DYM: variants seen among roughly 807,000 people sequenced by gnomAD.
The protein encoded by DYM is dyggve-Melchior-Clausen syndrome protein.
A neutral mutation model predicts 93.1 loss-of-function variants in DYM; 78 were observed. The observed-to-expected ratio is 0.84, with a 90% confidence interval of 0.70 to 1.01. The LOEUF (loss-of-function observed/expected upper bound fraction) is 1.01. Among genes scored for constraint, DYM ranks in the 50% least tolerant of loss-of-function variants. The probability of loss-of-function intolerance (pLI) is 0.00; values close to 1 mark genes in which losing one functional copy is unlikely to be tolerated. For missense variants in DYM, 789 were observed against 845.0 expected (o/e 0.93, Z 0.82); for synonymous variants, 321 against 319.7 (o/e 1.00, Z -0.04).
At chr18:49,122,833 G>A (rs147718672) in intron 15 of DYM, among the ~76,000 whole-genome samples, 48 of 152,158 alleles carry the variant, frequency 3.2e-4, no homozygotes, top group African/African-American at 1.1e-3. Context: ...CAGTATATTC[G>A]GAGTGCATTT....
At chr18:49,096,239 C>T (rs1450460526) in intron 17 of DYM, among the ~76,000 whole-genome samples, 1 of 152,202 alleles carries the variant, frequency 6.6e-6, no homozygotes, top group African/African-American at 2.4e-5. Flanking sequence ...ATAAACAGAA[C>T]ATTTGCCATC....
At chr18:49,045,912 G>T (rs748335206) in intron 17 of DYM, among the ~76,000 whole-genome samples, 17 of 152,150 alleles carry the variant, frequency 1.1e-4, no homozygotes, top group Non-Finnish European at 2.1e-4. Context: ...ATGGCACTGT[G>T]CAGTGGCTGC....
At chr18:49,137,434 A>G (rs2144295993) in intron 15 of DYM, among the ~76,000 whole-genome samples, 1 of 152,342 alleles carries the variant, frequency 6.6e-6, no homozygotes, top group Middle Eastern at 3.4e-3. Context: ...TGTTAAGTAG[A>G]AATATAATGC....
intron 2 of DYM, among the ~76,000 whole-genome samples, chr18:49,408,198 C>T (rs1263910139): frequency 6.6e-6 from 1 of 151,986 alleles, no homozygotes; most frequent in Non-Finnish European, 1.5e-5. Context: ...GGTTTTATAA[C>T]TGGCTTTAAC....
rs933970102 is a variant in DYM, at chr18:49,043,623, ACACAT to A, written c.*427_*431del. 1 of 163,520 alleles carries A rather than the reference ACACAT, an allele frequency of 6.1e-6. No individual in the cohort carries two copies. The highest frequency in any genetic ancestry group is 2.4e-5 in the African/African-American group (1 of 41,606). 10.1% of individuals were successfully genotyped at this position (163,520 alleles called of 1,614,324 possible). ...TCAAAGGAATCTCTCTCTCTCACAC[ACACAT>A]AAGACCAAAACAAATATCTTGAACA... On this transcript the variant is annotated 3_prime_UTR_variant, in exon 18 of 18. Transcript: ENST00000675505.
chr18:49,360,333 AAAT>A (rs1214291720), intron 6 of DYM, among the ~76,000 whole-genome samples: 1 of 152,032 alleles, frequency 6.6e-6, no homozygotes, highest in Non-Finnish European at 1.5e-5. Context: ...TAAAAAAAAA[AAAT>A]ATTTAGGGCT....
chr18:49,355,035 T>A (rs2065422318), intron 6 of DYM, among the ~76,000 whole-genome samples: 1 of 149,086 alleles, frequency 6.7e-6, no homozygotes, highest in African/African-American at 2.4e-5. Context: ...CTACTCTGTA[T>A]GATATGACAA....
At chr18:49,273,948 A>G (rs1195661692) in intron 10 of DYM, among the ~76,000 whole-genome samples, 1 of 152,052 alleles carries the variant, frequency 6.6e-6, no homozygotes, top group Non-Finnish European at 1.5e-5. Flanking sequence ...ATGTAAGAGT[A>G]AGTAACGGGT....
intron 17 of DYM, among the ~76,000 whole-genome samples, chr18:49,061,811 G>A (rs1283461803): frequency 6.6e-6 from 1 of 152,230 alleles, no homozygotes; most frequent in African/African-American, 2.4e-5. Context: ...ATCTAGAAAT[G>A]AATCCAAGAG....
In DYM at chr18:49,174,737, T is replaced by C. The variant is rs955050355; in HGVS notation, c.1626-10950A>G. On this transcript the variant is annotated intron_variant, in intron 14 of 17. Transcript: ENST00000675505. ...CTGCTTTTTCTCTCTGGTTAGAAGA[T>C]TGTAAAGACGTAATCCCGGAGTTGG... Among the ~76,000 whole-genome samples the C allele has an allele frequency of 4.6e-5, 7 of 152,232 alleles. No homozygotes were observed. The East Asian group carries it at 5.8e-4, about 13-fold the overall frequency.
intron 17 of DYM, among the ~76,000 whole-genome samples, chr18:49,047,929 G>A (rs77747161): frequency 3.3e-5 from 5 of 152,256 alleles, no homozygotes; most frequent in African/African-American, 9.6e-5. Flanking sequence ...CAAATGTCCC[G>A]CTGAGGCCAG....
chr18:49,242,440 TA>T (rs1255378001), intron 13 of DYM, among the ~76,000 whole-genome samples: 3 of 152,020 alleles, frequency 2.0e-5, no homozygotes, highest in Admixed American at 6.5e-5. Flanking sequence ...TAAAAATGCA[TA>T]AAGTAATCTG....
At chr18:49,193,576 T>C (rs78852589) in intron 14 of DYM, among the ~76,000 whole-genome samples, 4,447 of 152,292 alleles carry the variant, frequency 0.029, 209 homozygotes, top group African/African-American at 0.1. Context: ...GAGAATAGAA[T>C]TGAAATTTTA....
At chr18:49,119,983 G>T (rs149339983) in intron 15 of DYM, among the ~76,000 whole-genome samples, 28 of 151,776 alleles carry the variant, frequency 1.8e-4, no homozygotes, top group Non-Finnish European at 3.4e-4. Flanking sequence ...GGAGGCTGAG[G>T]GGGGAGGATG....
intron 13 of DYM, among the ~76,000 whole-genome samples, chr18:49,221,993 AAAAG>A (rs897025598): frequency 2.0e-5 from 3 of 151,966 alleles, no homozygotes; most frequent in African/African-American, 7.2e-5. Context: ...TTATAAAAAA[AAAAG>A]AAAGAAAAAA....
chr18:49,339,021 C>G (rs478682), intron 6 of DYM, among the ~76,000 whole-genome samples: 1 of 151,782 alleles, frequency 6.6e-6, no homozygotes, highest in African/African-American at 2.4e-5. Flanking sequence ...TAACTCCTGC[C>G]AACAACCAAT....
intron 6 of DYM, among the ~76,000 whole-genome samples, chr18:49,343,186 C>T (rs961320713): frequency 1.3e-5 from 2 of 152,138 alleles, no homozygotes; most frequent in Non-Finnish European, 2.9e-5. Context: ...CCCACAGCTG[C>T]CCACCCCACT....
chr18:49,121,562 T>C (rs926657662), intron 15 of DYM, among the ~76,000 whole-genome samples: 6 of 151,954 alleles, frequency 3.9e-5, no homozygotes, highest in African/African-American at 1.5e-4. Flanking sequence ...AAAATACCCA[T>C]GGTCACTCCA....
At chr18:49,272,653 C>A (rs1273752635) in intron 10 of DYM, among the ~76,000 whole-genome samples, 5 of 152,128 alleles carry the variant, frequency 3.3e-5, no homozygotes, top group East Asian at 1.9e-4. Context: ...GAGAGCACAG[C>A]TGCTCAGAAG....
Sources: allele counts gnomAD v4.1 joint callset (sites outside exome capture counted in the v4.1 genomes callset), GRCh38; gene constraint gnomAD v4.1.1; transcripts MANE v1.5; gene names NCBI Gene and HGNC (gene_info 2026-07-23, HGNC 2026-07-21).